Variants in VPS37D observed in about 807,000 individuals in gnomAD.
The protein encoded by VPS37D is VPS37D subunit of ESCRT-I.
VPS37D carries 5 observed loss-of-function variants against 22.0 expected under a neutral mutation model. That is an observed-to-expected ratio of 0.23 (90% CI 0.12 to 0.48). The LOEUF (loss-of-function observed/expected upper bound fraction) is 0.48. Ranked by LOEUF, VPS37D falls within the 20% of genes least tolerant of loss-of-function variation. The pLI is 0.99. For synonymous variants in VPS37D, 174 were observed against 159.3 expected (o/e 1.09, Z -0.69); for missense variants, 384 against 345.8 (o/e 1.11, Z -0.88).
chr7:73,669,889 G>T, intron 2 of VPS37D, 131 bp from the exon 3 acceptor site: 1 of 1,463,230 alleles, frequency 6.8e-7, no homozygotes, highest in Admixed American at 2.2e-5. Context: ...GGTCACATGG[G>T]CACGGTACAG....
chr7:73,668,198 C>A, intron 1 of VPS37D, 102 bp downstream of exon 1: 1 of 711,464 alleles, frequency 1.4e-6, no homozygotes, highest in Non-Finnish European at 1.7e-6. Flanking sequence ...CGGGGCCGCC[C>A]GTGGGCGCGG....
chr7:73,671,545 G>A lies in VPS37D; in HGVS notation c.*169G>A, dbSNP rs1376894177. On this transcript the variant is annotated 3_prime_UTR_variant, in exon 4 of 4. Coordinates refer to ENST00000324941, the MANE Select transcript of VPS37D (RefSeq NM_001077621.2). ...GAGGAGGGTCCCCTGGAAGAGGCCC[G>A]AGAGGGGGCTGGGGGTGGGTGGGCA... 4.9e-6 allele frequency: 1 copy of A among 203,850 alleles called. No homozygotes were observed. The highest frequency in any genetic ancestry group is 1.0e-4 in the South Asian group (1 of 9,712). 12.6% of individuals were successfully genotyped at this position (203,850 alleles called of 1,614,324 possible). A position where few individuals can be genotyped will look rare whatever the true frequency, so the allele number is the denominator to read the frequency against.
Position 73,671,456 on chromosome 7 carries a change from GGGGGGAGGGGCAGGCCCC to G in VPS37D, c.*81_*98del. On this transcript the variant is annotated 3_prime_UTR_variant, in exon 4 of 4. Transcript: ENST00000324941. Reference sequence around the variant, plus strand: ...CCTCCTCCTCCCCCACTGCCTGGGTGGGGGGAGGGGCAGGCCCCTCCCCCTGGCCTCAGGCAGGCCCTG... The same window carrying G: ...CCTCCTCCTCCCCCACTGCCTGGGTGTCCCCCTGGCCTCAGGCAGGCCCTG... 1.5e-6 allele frequency: 1 copy of G among 670,284 alleles called. No individual in the cohort carries two copies. The allele number at this position is 670,284 out of a possible 1,614,324, so 41.5% of individuals were successfully genotyped here.
chr7:73,669,336 G>A (rs1394827568), intron 1 of VPS37D, 83 bp from the exon 2 acceptor site: 16 of 1,442,028 alleles, frequency 1.1e-5, no homozygotes, highest in African/African-American at 1.4e-5. Context: ...CCTCAGGCAC[G>A]GTCGCCCAGT....
At chr7:73,668,133 G>A (rs1430120329) in intron 1 of VPS37D, 37 bp downstream of exon 1, 6 of 1,063,892 alleles carry the variant, frequency 5.6e-6, no homozygotes, top group East Asian at 6.5e-5. Flanking sequence ...CGCGGGGGAC[G>A]GGCAGCGGCC....
rs1797514239 is a variant in VPS37D, at chr7:73,671,463, G to GGGGCAGGCCCCTCCCCCTGGCCTC, written c.*88_*111dup. Reference sequence around the variant, plus strand: ...CTCCCCCACTGCCTGGGTGGGGGGAGGGGCAGGCCCCTCCCCCTGGCCTCA... The same window carrying GGGGCAGGCCCCTCCCCCTGGCCTC: ...CTCCCCCACTGCCTGGGTGGGGGGAGGGGCAGGCCCCTCCCCCTGGCCTCGGGCAGGCCCCTCCCCCTGGCCTCA... On this transcript the variant is annotated 3_prime_UTR_variant, in exon 4 of 4. Transcript: ENST00000324941. 2 of 598,932 alleles carry GGGGCAGGCCCCTCCCCCTGGCCTC rather than the reference G, an allele frequency of 3.3e-6. No individual in the cohort carries two copies. The highest frequency in any genetic ancestry group is 5.2e-6 in the Non-Finnish European group (2 of 386,430). 37.1% of individuals were successfully genotyped at this position (598,932 alleles called of 1,614,324 possible). A position where few individuals can be genotyped will look rare whatever the true frequency, so the allele number is the denominator to read the frequency against.
chr7:73,667,375 CCCT>C (rs1797398142), upstream of VPS37D, among the ~76,000 whole-genome samples: 4 of 152,202 alleles, frequency 2.6e-5, no homozygotes, highest in South Asian at 8.3e-4. Flanking sequence ...AAGCGATCCT[CCCT>C]TCTCGGTCTC....
At position 73,671,211 on chromosome 7, in the gene VPS37D, T is replaced by C. The variant is rs782809153; in HGVS notation, c.591T>C (p.Ala197=). The change falls in exon 4 of 4, where the codon GCT becomes GCC. Residue 197 remains alanine (A), a synonymous_variant. Transcript: ENST00000324941. ...ADPPKSFPAA[A]VLPTGAARGP... is the part of the protein sequence containing the mutation. ...CCCCCAAATCCTTCCCGGCTGCAGC[T>C]GTCCTGCCCACTGGGGCCGCCCGGG... 6.3e-7 allele frequency: 1 copy of C among 1,581,738 alleles called. No individual in the cohort carries two copies. The highest frequency in any genetic ancestry group is 1.1e-5 in the South Asian group (1 of 88,654).
chr7:73,666,688 C>G (rs1283921034), upstream of VPS37D, among the ~76,000 whole-genome samples: 1 of 152,102 alleles, frequency 6.6e-6, no homozygotes, highest in Admixed American at 6.6e-5. Flanking sequence ...CATGGGCTAC[C>G]GTGCCCGGCC....
chr7:73,670,893 C>T, intron 3 of VPS37D, 121 bp from the exon 4 acceptor site: 6 of 1,394,186 alleles, frequency 4.3e-6, no homozygotes, highest in Non-Finnish European at 5.7e-6. Flanking sequence ...GAACGCAGGT[C>T]CCCTGTCCCC....
chr7:73,670,193 C>A, intron 3 of VPS37D, 91 bp downstream of exon 3: 2 of 1,536,326 alleles, frequency 1.3e-6, no homozygotes, highest in Non-Finnish European at 1.8e-6. Context: ...GGCTGGGGAG[C>A]CCCTCCTCTG....
At chr7:73,667,510 C>A (rs1797401304), upstream of VPS37D, among the ~76,000 whole-genome samples, 1 of 151,940 alleles carries the variant, frequency 6.6e-6, no homozygotes. Flanking sequence ...AAGGCAGGAG[C>A]CCTCGGCGCC....
chr7:73,666,995 C>T (rs540999595), upstream of VPS37D, among the ~76,000 whole-genome samples: 77 of 122,086 alleles, frequency 6.3e-4, no homozygotes, highest in Non-Finnish European at 1.1e-3. Context: ...TTTTTTGAGA[C>T]GGAGTCTCGC....
chr7:73,670,907 C>T (rs782561652), intron 3 of VPS37D, 107 bp from the exon 4 acceptor site: 23 of 1,472,496 alleles, frequency 1.6e-5, no homozygotes, highest in African/African-American at 2.8e-5. Context: ...TGTCCCCCAG[C>T]TGAGGGGTGA....
upstream of VPS37D, among the ~76,000 whole-genome samples, chr7:73,665,744 C>T (rs960162880): frequency 6.6e-6 from 1 of 152,202 alleles, no homozygotes; most frequent in East Asian, 1.9e-4. Flanking sequence ...AACTTGAGAA[C>T]TCCTATTCAA....
upstream of VPS37D, among the ~76,000 whole-genome samples, chr7:73,667,005 C>T (rs1365353804): frequency 2.7e-5 from 4 of 145,460 alleles, no homozygotes; most frequent in Non-Finnish European, 6.0e-5. Flanking sequence ...CGGAGTCTCG[C>T]TCTGTCACCC....
Position 73,668,004 on chromosome 7 carries a change from C to T in VPS37D, c.46C>T (p.Pro16Ser). 1 of 1,121,942 alleles carries T rather than the reference C, an allele frequency of 8.9e-7. No homozygotes were observed. Among genetic ancestry groups the T allele is most frequent in the Middle Eastern group, 3.2e-4 (1 of 3,130 alleles). The allele number at this position is 1,121,942 out of a possible 1,614,324, so 69.5% of individuals were successfully genotyped here. A position where few individuals can be genotyped will look rare whatever the true frequency, so the allele number is the denominator to read the frequency against. The change falls in exon 1 of 4, where the codon CCG (proline) becomes TCG (serine). Residue 16 changes from proline (P) to serine (S), a missense_variant. By Grantham distance (74) the Pro-to-Ser change is moderately conservative (BLOSUM62 -1). Transcript: ENST00000324941. ...GCGGGCGGGGCCGGAGCCCGGCAGC[C>T]CGGGGCGCTTTGGGATCCTCAGCAC... The part of the protein sequence containing the change: ...AARAGPEPGS[P>S]GRFGILSTGQ...
upstream of VPS37D, among the ~76,000 whole-genome samples, chr7:73,667,399 G>T (rs1554608854): frequency 6.6e-6 from 1 of 152,120 alleles, no homozygotes; most frequent in Non-Finnish European, 1.5e-5. Flanking sequence ...CCAAATCGCT[G>T]GAATTACAGG....
intron 1 of VPS37D, among the ~76,000 whole-genome samples, chr7:73,668,319 C>A (rs1292825857): frequency 6.6e-6 from 1 of 151,682 alleles, no homozygotes; most frequent in Non-Finnish European, 1.5e-5. Context: ...GCCTGTGCAC[C>A]CCCAGGATGG....
Sources: gnomAD v4.1 joint callset for allele counts (sites outside exome capture counted in the v4.1 genomes callset) on GRCh38, gnomAD v4.1.1 for gene constraint, MANE v1.5 for transcripts, NCBI Gene and HGNC (gene_info 2026-07-23, HGNC 2026-07-21) for gene names.